Variants in VAV2 observed in about 807,000 individuals in gnomAD.
The protein encoded by VAV2 is vav guanine nucleotide exchange factor 2, also known as guanine nucleotide exchange factor VAV2.
A neutral mutation model predicts 132.5 loss-of-function variants in VAV2; 67 were observed. That is an observed-to-expected ratio of 0.51 (90% CI 0.42 to 0.62). VAV2 has a LOEUF of 0.62. Ranked by LOEUF, VAV2 falls within the 20% of genes least tolerant of loss-of-function variation. VAV2 has a pLI of 0.00. For synonymous variants in VAV2, 492 were observed against 443.5 expected, an observed-to-expected ratio of 1.11 and a Z score of -1.37; for missense variants, 938 against 1,153.6, an observed-to-expected ratio of 0.81 and a Z score of 2.71.
intron 25 of VAV2, among the ~76,000 whole-genome samples, chr9:133,773,918 C>T (rs1008317379): frequency 2.6e-5 from 4 of 152,186 alleles, no homozygotes; most frequent in African/African-American, 9.7e-5. Flanking sequence ...ACCAGCATAA[C>T]CACACTCACA....
intron 1 of VAV2, among the ~76,000 whole-genome samples, chr9:133,976,693 C>T (rs571871812): frequency 6.6e-6 from 1 of 152,212 alleles, no homozygotes; most frequent in Non-Finnish European, 1.5e-5. Flanking sequence ...TTCTGTCCTG[C>T]GACGGAGCTG....
intron 25 of VAV2, among the ~76,000 whole-genome samples, chr9:133,774,455 C>T (rs1833740399): frequency 1.3e-5 from 2 of 152,178 alleles, no homozygotes; most frequent in Non-Finnish European, 2.9e-5. Flanking sequence ...GGAGGCGGCT[C>T]CCAGGGAGAG....
At chr9:133,805,959 A>T (rs1835120713) in intron 9 of VAV2, 122 bp downstream of exon 9, 8 of 1,068,254 alleles carry the variant, frequency 7.5e-6, no homozygotes. Context: ...GACGGGGTCC[A>T]GAGGGGGCGG....
At chr9:133,984,231 C>T (rs745858197) in intron 1 of VAV2, among the ~76,000 whole-genome samples, 42 of 152,334 alleles carry the variant, frequency 2.8e-4, no homozygotes, top group Non-Finnish European at 5.3e-4. Context: ...GCCTCAGCAT[C>T]CCAAAGTGCT....
chr9:133,801,056 C>T (rs1274370889), intron 9 of VAV2, among the ~76,000 whole-genome samples: 1 of 152,212 alleles, frequency 6.6e-6, no homozygotes, highest in East Asian at 1.9e-4. Context: ...TGCAATGGGT[C>T]TCACTCATCC....
In VAV2 at chr9:133,875,046, G is replaced by A. The variant is rs546390160; in HGVS notation, c.322-13614C>T. On this transcript the variant is annotated intron_variant, in intron 2 of 29. Coordinates refer to ENST00000371850, the MANE Select transcript of VAV2 (RefSeq NM_001134398.2). ...CCCCAGAAAGAACAAGGGTGGGAATGAGGACGGTCACCATAAAAACAGAAT... is the reference window on the plus strand; with the variant it reads ...CCCCAGAAAGAACAAGGGTGGGAATAAGGACGGTCACCATAAAAACAGAAT... Among the ~76,000 whole-genome samples, 18 of 152,346 alleles carry A rather than the reference G, an allele frequency of 1.2e-4. No individual in the cohort carries two copies. The South Asian group carries it at 3.5e-3, about 30-fold the overall frequency.
chr9:133,970,546 T>C (rs1842295508), intron 1 of VAV2, among the ~76,000 whole-genome samples: 2 of 152,142 alleles, frequency 1.3e-5, no homozygotes, highest in Non-Finnish European at 2.9e-5. Context: ...CTGTGGTTGG[T>C]GTACCTGGTC....
At chr9:133,795,261 C>T (rs536643855) in intron 12 of VAV2, among the ~76,000 whole-genome samples, 8 of 152,182 alleles carry the variant, frequency 5.3e-5, no homozygotes, top group South Asian at 2.1e-4. Context: ...CAGCCAGGAG[C>T]GAAGGAGCTC....
chr9:133,855,035 G>C (rs1837331612), intron 3 of VAV2, among the ~76,000 whole-genome samples: 3 of 151,664 alleles, frequency 2.0e-5, no homozygotes, highest in Admixed American at 6.6e-5. Flanking sequence ...ATGGGAAAAG[G>C]GACACCAGCC....
At position 133,826,676 on chromosome 9, in the gene VAV2, T is replaced by C. The variant is rs574250024; in HGVS notation, c.449+7596A>G. The stretch of plus-strand genomic sequence containing the variant: ...CACCTAGGATGAAGCGGTGGCTAAA[T>C]AAAGCTTGGTCTCATGTCCATGTCC... On this transcript the variant is annotated intron_variant, in intron 4 of 29. Transcript: ENST00000371850. This position sits in a 1 kb window ranked among gnomAD's most constrained non-coding sequence, Gnocchi z 4.2. Among the ~76,000 whole-genome samples the C allele has an allele frequency of 6.6e-6, 1 of 152,246 alleles. No homozygotes were observed. The highest frequency in any genetic ancestry group is 1.9e-4 in the East Asian group (1 of 5,172).
intron 2 of VAV2, among the ~76,000 whole-genome samples, chr9:133,895,167 A>G (rs1335487054): frequency 6.6e-6 from 1 of 152,172 alleles, no homozygotes; most frequent in Non-Finnish European, 1.5e-5. Flanking sequence ...CCTACAGCAA[A>G]GAGTCAACAG....
chr9:133,814,864 G>C (rs926998617), intron 4 of VAV2, among the ~76,000 whole-genome samples: 3 of 152,172 alleles, frequency 2.0e-5, no homozygotes, highest in Non-Finnish European at 4.4e-5. Context: ...AGCCCAGCCC[G>C]GGCTGCTGCA....
chr9:133,810,307 G>C (rs1285726520), intron 5 of VAV2, 102 bp from the exon 6 acceptor site: 23 of 1,566,276 alleles, frequency 1.5e-5, no homozygotes, highest in Non-Finnish European at 1.9e-5. Context: ...CCCACAACCA[G>C]CCAACAGACC....
chr9:133,974,205 G>A (rs968553704), intron 1 of VAV2, among the ~76,000 whole-genome samples: 3 of 151,678 alleles, frequency 2.0e-5, no homozygotes, highest in Admixed American at 6.6e-5. Context: ...CTCCTGGGCC[G>A]CAAGCAGGGC....
chr9:133,903,183 GC>G (rs1451886496), intron 2 of VAV2, among the ~76,000 whole-genome samples: 6 of 149,220 alleles, frequency 4.0e-5, no homozygotes, highest in Middle Eastern at 3.4e-3. Flanking sequence ...CCAGGAGAGT[GC>G]CCCGGGACAC....
intron 2 of VAV2, among the ~76,000 whole-genome samples, chr9:133,896,763 ATT>A (rs1214962281): frequency 2.0e-5 from 3 of 152,154 alleles, no homozygotes; most frequent in African/African-American, 7.2e-5. Context: ...TATAAATGAC[ATT>A]TTCTTTTCTT....
intron 2 of VAV2, among the ~76,000 whole-genome samples, chr9:133,933,925 GTGAA>G (rs1840798839): frequency 1.9e-5 from 1 of 51,916 alleles, no homozygotes; most frequent in Admixed American, 1.8e-4. Flanking sequence ...TGGATGATGG[GTGAA>G]TGGATGGATG....
At position 133,926,493 on chromosome 9, in the gene VAV2, G is replaced by T. The variant is rs145662933; in HGVS notation, c.321+12610C>A. Among the ~76,000 whole-genome samples the T allele has an allele frequency of 6.6e-6, 1 of 152,236 alleles. No homozygotes were observed. The highest frequency in any genetic ancestry group is 1.5e-5 in the Non-Finnish European group (1 of 67,996). ...CCAGGATAGCACCCCAAATCTCTCT[G>T]GTAGGGCTCTCTGGCACTGCCCTAG... On this transcript the variant is annotated intron_variant, in intron 2 of 29. Coordinates refer to ENST00000371850, the MANE Select transcript of VAV2 (RefSeq NM_001134398.2). The surrounding 1 kb of genome is among the most constrained non-coding windows in gnomAD (Gnocchi z 4.3).
chr9:133,989,994 C>T (rs180884237), intron 1 of VAV2, among the ~76,000 whole-genome samples: 11 of 152,354 alleles, frequency 7.2e-5, no homozygotes, highest in African/African-American at 2.2e-4. Flanking sequence ...GGGCACTGTG[C>T]GAAGGGTGTG....
Sources: allele counts gnomAD v4.1 joint callset (sites outside exome capture counted in the v4.1 genomes callset), GRCh38; gene constraint gnomAD v4.1.1; non-coding constraint Gnocchi (gnomAD v3.1); transcripts MANE v1.5; gene names NCBI Gene and HGNC (gene_info 2026-07-23, HGNC 2026-07-21).